The following PDE6C variants were observed in gnomAD, a reference collection of about 807,000 sequenced individuals.
PDE6C encodes phosphodiesterase 6C, also known as cone cGMP-specific 3',5'-cyclic phosphodiesterase subunit alpha'.
In PDE6C, 75 loss-of-function variants were observed where a neutral mutation model predicts 113.1. The ratio of observed to expected loss-of-function variants is 0.66; its 90% confidence interval spans 0.55 to 0.80. The LOEUF (loss-of-function observed/expected upper bound fraction) is 0.80. Among genes scored for constraint, PDE6C ranks in the 30% least tolerant of loss-of-function variants. PDE6C has a pLI of 0.00. For missense variants in PDE6C, 912 were observed against 1,038.6 expected (o/e 0.88, Z 1.67); for synonymous variants, 375 against 363.7 (o/e 1.03, Z -0.35).
intron 1 of PDE6C, among the ~76,000 whole-genome samples, chr10:93,618,736 A>G (rs140763129): frequency 1.4e-3 from 209 of 152,298 alleles, no homozygotes; most frequent in African/African-American, 4.8e-3. Context: ...TGCTGCATTA[A>G]TCTGCAGGTG....
intron 20 of PDE6C, 84 bp from the exon 21 acceptor site, chr10:93,662,944 C>A: frequency 8.2e-7 from 1 of 1,213,402 alleles, no homozygotes; most frequent in Non-Finnish European, 1.2e-6. Flanking sequence ...TGTAACAATT[C>A]CTTACAGCTC....
rs368517602 is a variant in PDE6C at position 93,658,890 on chromosome 10, A to G, written c.2037-11A>G. 7 of 1,522,902 alleles carry G rather than the reference A, an allele frequency of 4.6e-6. No homozygotes were observed. Among genetic ancestry groups the G allele is most frequent in the Admixed American group, 1.7e-5 (1 of 59,880 alleles). 94.3% of individuals were successfully genotyped at this position (1,522,902 alleles called of 1,614,324 possible). A position where few individuals can be genotyped will look rare whatever the true frequency, so the allele number is the denominator to read the frequency against. On this transcript the variant is annotated splice_polypyrimidine_tract_variant and intron_variant, in intron 16 of 21. Coordinates refer to ENST00000371447, the MANE Select transcript of PDE6C (RefSeq NM_006204.4). The stretch of plus-strand genomic sequence containing the variant: ...AGCTAAAATTGTTGCTCACAGCTGT[A>G]TCTTTTCTAGGAAGAGGACCATGTT...
In PDE6C at chr10:93,645,947, G is replaced by A; in HGVS notation, c.1848-13G>A. 1.3e-6 allele frequency: 2 copies of A among 1,536,376 alleles called. No individual in the cohort carries two copies. Among genetic ancestry groups the A allele is most frequent in the East Asian group, 2.2e-5 (1 of 44,484 alleles). On this transcript the variant is annotated splice_polypyrimidine_tract_variant and intron_variant, in intron 14 of 21. Transcript: ENST00000371447. ...TAAACAGCTAGAATCATGGCATGTT[G>A]TTTTCCTTCTAGATCCACGTCTCCA...
intron 14 of PDE6C, among the ~76,000 whole-genome samples, chr10:93,644,844 A>T (rs1315371161): frequency 6.8e-6 from 1 of 146,376 alleles, no homozygotes; most frequent in Non-Finnish European, 1.5e-5. Flanking sequence ...TATATATAGT[A>T]CATATATATA....
chr10:93,644,068 G>C (rs748949833), intron 14 of PDE6C, among the ~76,000 whole-genome samples: 4 of 152,176 alleles, frequency 2.6e-5, no homozygotes, highest in Non-Finnish European at 5.9e-5. Context: ...CTATTTTGCA[G>C]AATATCTTTC....
intron 10 of PDE6C, 42 bp from the exon 11 acceptor site, chr10:93,636,953 C>T: frequency 9.7e-7 from 1 of 1,025,704 alleles, no homozygotes; most frequent in South Asian, 1.3e-5. Context: ...TGGAAATCTT[C>T]TCCTTTAGGA....
intron 11 of PDE6C, among the ~76,000 whole-genome samples, chr10:93,639,273 C>CCT: frequency 6.6e-6 from 1 of 152,210 alleles, no homozygotes; most frequent in Non-Finnish European, 1.5e-5. Context: ...GCATGGAGCA[C>CCT]TGGCCATACT....
chr10:93,615,327 C>T (rs560988235), intron 1 of PDE6C, among the ~76,000 whole-genome samples: 1 of 152,278 alleles, frequency 6.6e-6, no homozygotes, highest in East Asian at 1.9e-4. Context: ...ATATTGGTGG[C>T]TTTATTGTTA....
chr10:93,637,163 G>A (rs902748040), intron 11 of PDE6C, 100 bp downstream of exon 11: 1 of 704,012 alleles, frequency 1.4e-6, no homozygotes, highest in Admixed American at 2.2e-5. Context: ...TAAATGTTGA[G>A]TTTTCTCTTT....
chr10:93,613,189 T>C lies in PDE6C; in HGVS notation c.464T>C (p.Val155Ala). Residue 155 changes from valine (V) to alanine (A), a missense_variant, in exon 1 of 22, where the codon GTC (valine) becomes GCC (alanine). Coordinates refer to ENST00000371447, the MANE Select transcript of PDE6C (RefSeq NM_006204.4). The stretch of plus-strand genomic sequence containing the variant: ...GCTCACACGAAGAAAACTCATAATG[T>C]CCCAGATGTGAAAAAGGTAGGTGGC... ...WAAHTKKTHNVPDVKKNSHFS... is the reference protein window; with the variant it reads ...WAAHTKKTHNAPDVKKNSHFS... The C allele has an allele frequency of 6.2e-7, 1 of 1,613,680 alleles. No individual in the cohort carries two copies. The highest frequency in any genetic ancestry group is 8.5e-7 in the Non-Finnish European group (1 of 1,180,022).
intron 16 of PDE6C, 133 bp downstream of exon 16, chr10:93,655,993 T>TGC: frequency 7.2e-6 from 5 of 697,558 alleles, no homozygotes; most frequent in African/African-American, 1.7e-5. Context: ...CACACACACA[T>TGC]ACACACAAAA....
intron 4 of PDE6C, among the ~76,000 whole-genome samples, chr10:93,622,639 G>GTTTTTTTTTGTTTTTTTTTTTT (rs2058452335): frequency 8.8e-6 from 1 of 113,992 alleles, no homozygotes; most frequent in African/African-American, 3.7e-5. Flanking sequence ...GTAGCCACAG[G>GTTTTTTTTTGTTTTTTTTTTTT]TTTTTTTTTT....
intron 8 of PDE6C, among the ~76,000 whole-genome samples, chr10:93,631,539 C>T (rs891608532): frequency 3.9e-5 from 6 of 152,320 alleles, no homozygotes; most frequent in African/African-American, 1.4e-4. Context: ...TTCTCCTTTG[C>T]AAAGGGTCGG....
At chr10:93,636,695 T>G (rs57437395) in intron 10 of PDE6C, among the ~76,000 whole-genome samples, 5,469 of 152,174 alleles carry the variant, frequency 0.036, 308 homozygotes, top group African/African-American at 0.12. Context: ...GTCTTCATAA[T>G]CAGGTGCTAT....
chr10:93,629,447 G>A (rs1052378697), intron 8 of PDE6C, 142 bp downstream of exon 8: 1 of 747,100 alleles, frequency 1.3e-6, no homozygotes. Context: ...ACTCACCCTG[G>A]CTGGGCCAGC....
intron 16 of PDE6C, among the ~76,000 whole-genome samples, chr10:93,657,566 T>C (rs754320132): frequency 6.6e-6 from 1 of 152,084 alleles, no homozygotes; most frequent in Admixed American, 6.6e-5. Flanking sequence ...TCATGCAACA[T>C]TGTGTTTCAA....
Position 93,640,461 on chromosome 10 carries a change from A to G in PDE6C, c.1641A>G (p.Arg547=). The G allele has an allele frequency of 6.2e-7, 1 of 1,612,044 alleles. No homozygotes were observed. Among genetic ancestry groups the G allele is most frequent in the East Asian group, 2.2e-5 (1 of 44,860 alleles). The change falls in exon 13 of 22, where the codon AGA becomes AGG. Residue 547 remains arginine (R), a synonymous_variant. Transcript: ENST00000371447. ...KFKVPVEVLT[R]WMYTVRKGYR... Reference sequence around the variant, plus strand: ...TCATCTTCTTTTAGGTTCTTACCAGATGGATGTACACTGTGAGGAAAGGGT... The same window carrying G: ...TCATCTTCTTTTAGGTTCTTACCAGGTGGATGTACACTGTGAGGAAAGGGT...
chr10:93,652,514 C>A (rs979971330), intron 15 of PDE6C, among the ~76,000 whole-genome samples: 1 of 152,236 alleles, frequency 6.6e-6, no homozygotes. Flanking sequence ...GCAAAAGAAG[C>A]AGTACTGAAA....
At chr10:93,657,173 G>T (rs7075895) in intron 16 of PDE6C, among the ~76,000 whole-genome samples, 75,726 of 151,042 alleles carry the variant, frequency 0.5, 19,393 homozygotes, top group South Asian at 0.65. Flanking sequence ...TGGTTTCTTG[G>T]TTTTTTTGCG....
Sources: gnomAD v4.1 joint callset for allele counts (sites outside exome capture counted in the v4.1 genomes callset) on GRCh38, gnomAD v4.1.1 for gene constraint, MANE v1.5 for transcripts, NCBI Gene and HGNC (gene_info 2026-07-23, HGNC 2026-07-21) for gene names.